Variants in SEH1L observed in about 807,000 individuals in gnomAD.
SEH1L encodes nucleoporin SEH1.
Under a neutral mutation model 49.5 loss-of-function variants are expected in SEH1L, and 18 were observed. The observed-to-expected ratio is 0.36, with a 90% CI of 0.25 to 0.54. The LOEUF (loss-of-function observed/expected upper bound fraction) is 0.54, where lower values mean the gene tolerates loss of function less well. SEH1L is among the 20% of genes least tolerant of loss of function. The pLI is 0.87. For synonymous variants in SEH1L, 169 were observed against 178.1 expected (o/e 0.95, Z 0.41); for missense variants, 404 against 528.8 (o/e 0.76, Z 2.31).
chr18:12,974,604 C>A (rs535419825), intron 5 of SEH1L: 2 of 152,218 alleles, frequency 1.3e-5, no homozygotes, highest in Non-Finnish European at 1.5e-5. Context: ...AGTAGTATCA[C>A]CATTTAGTAG....
chr18:12,970,107 A>G (rs1198594531), intron 4 of SEH1L, among the ~76,000 whole-genome samples: 15 of 152,138 alleles, frequency 9.9e-5, no homozygotes, highest in Admixed American at 9.2e-4. Flanking sequence ...TTTGTCAGTT[A>G]CCACATTTTG....
At chr18:12,951,633 C>T (rs1337364290) in intron 1 of SEH1L, among the ~76,000 whole-genome samples, 9 of 152,132 alleles carry the variant, frequency 5.9e-5, no homozygotes, top group Admixed American at 3.9e-4. Flanking sequence ...TCAGGTGATC[C>T]GTTTGCCTTG....
intron 5 of SEH1L, chr18:12,976,289 T>C (rs1598970356): frequency 6.6e-6 from 1 of 152,208 alleles, no homozygotes; most frequent in Non-Finnish European, 1.5e-5. Context: ...GAGGCAGGCG[T>C]CACAGGCTTG....
chr18:12,985,848 G>A (rs2032437701), intron 8 of SEH1L: 1 of 963,000 alleles, frequency 1.0e-6, no homozygotes, highest in Non-Finnish European at 1.2e-6. Flanking sequence ...AGTAGTAATA[G>A]TAAAATGAAA....
intron 5 of SEH1L, chr18:12,977,431 TAACTC>T (rs2031971752): frequency 1.3e-5 from 2 of 152,218 alleles, no homozygotes; most frequent in Admixed American, 6.5e-5. Flanking sequence ...TATTATCACT[TAACTC>T]AATTCCTGCT....
chr18:12,963,148 T>A lies in SEH1L; in HGVS notation c.310-12T>A, dbSNP rs969445575. On this transcript the variant is annotated splice_polypyrimidine_tract_variant and intron_variant, in intron 3 of 8. Transcript: ENST00000399892. ...TTGTATATAATTTAAATTGTTATTA[T>A]TTTTTTTTTAGGTTAAAAGGACAAC... 1.9e-6 allele frequency: 1 copy of A among 531,630 alleles called. No individual in the cohort carries two copies. 32.9% of individuals were successfully genotyped at this position (531,630 alleles called of 1,614,324 possible).
intron 6 of SEH1L, 83 bp downstream of exon 6, chr18:12,978,975 CTA>C (rs2032043212): frequency 7.7e-7 from 1 of 1,293,050 alleles, no homozygotes. Flanking sequence ...GTAGAGGTAA[CTA>C]TGATTTGGTT....
At chr18:12,972,645 G>T (rs1895030240) in intron 5 of SEH1L, 1 of 152,196 alleles carries the variant, frequency 6.6e-6, no homozygotes, top group South Asian at 2.1e-4. Flanking sequence ...TTACCATCTG[G>T]GTTACCAAGG....
Position 12,986,942 on chromosome 18 carries a change from CTCCTCT to C in SEH1L, c.1152_1157del (p.Pro385_Leu386del), listed in dbSNP as rs1176737909. ...GCCCAGCTCCTTCCTCCTCCTCCTCCTCCTCTGGTAGAGCACTCTTGCGATGCTGAC... is the reference window on the plus strand; with the variant it reads ...GCCCAGCTCCTTCCTCCTCCTCCTCCGGTAGAGCACTCTTGCGATGCTGAC... On this transcript the variant is annotated inframe_deletion, in exon 9 of 9. Transcript: ENST00000399892. The C allele has an allele frequency of 3.7e-6, 6 of 1,613,772 alleles. No individual in the cohort carries two copies. Among genetic ancestry groups the C allele is most frequent in the Non-Finnish European group, 4.2e-6 (5 of 1,179,854 alleles).
intron 3 of SEH1L, among the ~76,000 whole-genome samples, chr18:12,959,436 C>G (rs537734235): frequency 6.6e-6 from 1 of 152,162 alleles, no homozygotes; most frequent in Admixed American, 6.6e-5. Context: ...CCACCTTGGC[C>G]CCCCAGAGTG....
intron 8 of SEH1L, chr18:12,984,932 T>C (rs1180912440): frequency 4.2e-6 from 1 of 238,812 alleles, no homozygotes; most frequent in Non-Finnish European, 7.9e-6. Flanking sequence ...GTATTTAAAA[T>C]TTCAACTATT....
chr18:12,960,592 T>G (rs926183751), intron 3 of SEH1L, among the ~76,000 whole-genome samples: 2 of 152,238 alleles, frequency 1.3e-5, no homozygotes, highest in African/African-American at 2.4e-5. Flanking sequence ...TGATTGCCTT[T>G]GCACTAGGGC....
chr18:12,954,522 A>G (rs745513725), intron 2 of SEH1L, among the ~76,000 whole-genome samples: 66 of 152,200 alleles, frequency 4.3e-4, no homozygotes, highest in Non-Finnish European at 9.0e-4. Flanking sequence ...GCTGGAGTGC[A>G]GTGGCACAAT....
chr18:12,961,601 A>G (rs117606295), intron 3 of SEH1L, among the ~76,000 whole-genome samples: 1 of 152,324 alleles, frequency 6.6e-6, no homozygotes, highest in East Asian at 1.9e-4. Flanking sequence ...TATCCTTTTA[A>G]TGTTGAGACT....
At chr18:12,976,325 C>T (rs1213437609) in intron 5 of SEH1L, 4 of 152,230 alleles carry the variant, frequency 2.6e-5, no homozygotes, top group Non-Finnish European at 5.9e-5. Context: ...CGGGTGTTGT[C>T]CCACCACCTT....
Position 12,978,850 on chromosome 18 carries a change from T to C in SEH1L, c.719T>C (p.Ile240Thr). Residue 240 changes from isoleucine to threonine, a missense_variant, in exon 6 of 9, where the codon ATA (isoleucine) becomes ACA (threonine). Physicochemically the swap from Ile to Thr is moderately conservative, Grantham distance 89. Transcript: ENST00000399892. ...GGAAGATCTTTCCATATTCTAGCAA[T>C]AGCGACCAAAGATGTGAGAATTTTT... ...NLGRSFHILA[I>T]ATKDVRIFTL... 6.2e-7 allele frequency: 1 copy of C among 1,614,090 alleles called. No individual in the cohort carries two copies. The highest frequency in any genetic ancestry group is 1.7e-5 in the Admixed American group (1 of 60,034).
chr18:12,983,206 T>C (rs1452503385), intron 7 of SEH1L: 1 of 152,450 alleles, frequency 6.6e-6, no homozygotes, highest in African/African-American at 2.4e-5. Flanking sequence ...GCACTTCTCC[T>C]TGGATGATTA....
At chr18:12,948,445 C>T (rs2030258236) in intron 1 of SEH1L, 2 of 429,856 alleles carry the variant, frequency 4.7e-6, no homozygotes, top group South Asian at 7.7e-5. Flanking sequence ...TGCGCCTGCG[C>T]AGCTGGTGCC....
At chr18:12,951,282 T>C (rs2030507328) in intron 1 of SEH1L, among the ~76,000 whole-genome samples, 1 of 152,216 alleles carries the variant, frequency 6.6e-6, no homozygotes, top group African/African-American at 2.4e-5. Context: ...TTTTGCTGTT[T>C]AAAATGGCCT....
Sources: allele counts gnomAD v4.1 joint callset (sites outside exome capture counted in the v4.1 genomes callset), GRCh38; gene constraint gnomAD v4.1.1; transcripts MANE v1.5; gene names NCBI Gene and HGNC (gene_info 2026-07-23, HGNC 2026-07-21).